Variants in SLC36A1 observed in about 807,000 individuals in gnomAD.
SLC36A1 encodes proton-coupled amino acid transporter 1.
In SLC36A1, 30 loss-of-function variants were observed where a neutral mutation model predicts 47.5. The observed-to-expected ratio is 0.63, with a 90% confidence interval of 0.47 to 0.86. The LOEUF is 0.86. Among genes scored for constraint, SLC36A1 ranks in the 40% least tolerant of loss-of-function variants. The pLI is 0.00. For missense variants in SLC36A1, 517 were observed against 606.0 expected (o/e 0.85, Z 1.54); for synonymous variants, 255 against 249.7 (o/e 1.02, Z -0.20).
chr5:151,350,224 C>T, the SLC36A1 span, among the ~76,000 whole-genome samples: 1 of 151,550 alleles, frequency 6.6e-6, no homozygotes, highest in South Asian at 2.1e-4. Context: ...ATGATAATAG[C>T]GACTCACATG....
At chr5:151,503,335 G>A in the SLC36A1 span, among the ~76,000 whole-genome samples, 2,354 of 148,090 alleles carry the variant, frequency 0.016, 60 homozygotes, top group Non-Finnish European at 0.021. Context: ...AAGGCATATC[G>A]CTGTACCTTC....
At chr5:151,539,793 C>T in the SLC36A1 span, among the ~76,000 whole-genome samples, 6 of 152,220 alleles carry the variant, frequency 3.9e-5, no homozygotes, top group African/African-American at 1.4e-4. Context: ...CCTCTCCTGA[C>T]AAACACACAT....
At chr5:151,549,379 C>A in the SLC36A1 span, 1 of 1,614,074 alleles carries the variant, frequency 6.2e-7, no homozygotes, top group Non-Finnish European at 8.5e-7. Flanking sequence ...GTGCCGGGGG[C>A]TATGGTGTCA....
chr5:151,377,328 A>G, the SLC36A1 span, among the ~76,000 whole-genome samples: 1 of 137,334 alleles, frequency 7.3e-6, no homozygotes, highest in African/African-American at 2.7e-5. Flanking sequence ...CCCCACTATT[A>G]TTGTATTGCT....
At chr5:151,453,293 T>C (rs1349422772) in intron 1 of SLC36A1, among the ~76,000 whole-genome samples, 4 of 152,114 alleles carry the variant, frequency 2.6e-5, no homozygotes, top group Non-Finnish European at 5.9e-5. Context: ...TATTTTTTTT[T>C]CCTTGACGTA....
At chr5:151,522,160 C>T in the SLC36A1 span, 1 of 1,217,080 alleles carries the variant, frequency 8.2e-7, no homozygotes, top group African/African-American at 1.5e-5. Context: ...GCTGGGCCTC[C>T]TTGTGGAGCT....
Position 151,467,790 on chromosome 5 carries a change from C to G in SLC36A1, c.588C>G (p.Leu196=). The G allele has an allele frequency of 6.2e-7, 1 of 1,614,130 alleles. No individual in the cohort carries two copies. The highest frequency in any genetic ancestry group is 8.5e-7 in the Non-Finnish European group (1 of 1,180,028). ...VILTPTMDSR[L]YMLSFLPFLV... is the part of the protein sequence containing the mutation. ...TGACGCCTACCATGGACTCGCGACT[C>G]TACATGCTCTCCTTCCTGCCCTTCC... Residue 196 remains leucine (L), a synonymous_variant, in exon 7 of 11, where the codon CTC becomes CTG. Transcript: ENST00000243389.
At chr5:151,510,195 G>A in the SLC36A1 span, 5 of 1,613,364 alleles carry the variant, frequency 3.1e-6, no homozygotes, top group Non-Finnish European at 4.2e-6. Context: ...AAGAAGGGAG[G>A]TGAGAGACCG....
chr5:151,510,727 T>G, the SLC36A1 span: 1 of 152,354 alleles, frequency 6.6e-6, no homozygotes, highest in Admixed American at 6.5e-5. Flanking sequence ...GAGGCTAGCT[T>G]ACTCTAGGGA....
At chr5:151,549,499 C>G in the SLC36A1 span, 1 of 1,614,108 alleles carries the variant, frequency 6.2e-7, no homozygotes, top group Non-Finnish European at 8.5e-7. Flanking sequence ...ATTTCCTGGT[C>G]TCGGACCTAT....
chr5:151,458,284 GTA>G (rs1416811743), intron 1 of SLC36A1, among the ~76,000 whole-genome samples: 1 of 140,192 alleles, frequency 7.1e-6, no homozygotes, highest in African/African-American at 2.8e-5. Flanking sequence ...GTGTATACGT[GTA>G]TATATATACA....
intron 1 of SLC36A1, among the ~76,000 whole-genome samples, chr5:151,458,300 A>C (rs1311044797): frequency 1.2e-5 from 1 of 84,312 alleles, no homozygotes; most frequent in African/African-American, 6.4e-5. Context: ...ATATACATAC[A>C]CGTGTATATA....
the SLC36A1 span, chr5:151,527,194 G>T: frequency 1.3e-6 from 2 of 1,558,148 alleles, no homozygotes. Context: ...GGGAAATGAA[G>T]GGAGGAAGGG....
chr5:151,534,741 A>C, the SLC36A1 span: 3 of 1,021,890 alleles, frequency 2.9e-6, no homozygotes, highest in African/African-American at 4.8e-5. Flanking sequence ...AGCCACACAG[A>C]GTTTTGTTCA....
At chr5:151,544,166 AC>A in the SLC36A1 span, 2 of 1,614,216 alleles carry the variant, frequency 1.2e-6, no homozygotes. Context: ...ATCTGGAAGA[AC>A]TTGGAAACAT....
the SLC36A1 span, among the ~76,000 whole-genome samples, chr5:151,430,217 T>C: frequency 6.7e-6 from 1 of 148,790 alleles, no homozygotes; most frequent in African/African-American, 2.5e-5. Flanking sequence ...CAGGCTGGAG[T>C]GCAGGGGCAT....
chr5:151,498,902 T>C, the SLC36A1 span, among the ~76,000 whole-genome samples: 1 of 152,192 alleles, frequency 6.6e-6, no homozygotes, highest in African/African-American at 2.4e-5. Flanking sequence ...CCTCCTCTGG[T>C]TATCCTCATA....
the SLC36A1 span, among the ~76,000 whole-genome samples, chr5:151,425,724 TTTCTC>T: frequency 1.3e-5 from 2 of 152,222 alleles, no homozygotes; most frequent in Non-Finnish European, 2.9e-5. Context: ...CAGCCTGACT[TTTCTC>T]TTCAGAACAC....
chr5:151,476,814 TCA>T, intron 9 of SLC36A1, 58 bp downstream of exon 9: 1 of 1,589,888 alleles, frequency 6.3e-7, no homozygotes, highest in Non-Finnish European at 8.6e-7. Context: ...AACTAATGGG[TCA>T]CAGTGTGGAT....
Sources: gnomAD v4.1 joint callset for allele counts (sites outside exome capture counted in the v4.1 genomes callset) on GRCh38, gnomAD v4.1.1 for gene constraint, MANE v1.5 for transcripts, NCBI Gene and HGNC (gene_info 2026-07-23, HGNC 2026-07-21) for gene names.